Variants in CHID1 observed in about 807,000 individuals in gnomAD.
CHID1 encodes chitinase domain containing 1.
Under a neutral mutation model 55.4 loss-of-function variants are expected in CHID1, and 44 were observed. The observed-to-expected ratio is 0.79, with a 90% CI of 0.62 to 1.02. CHID1 has a LOEUF of 1.02. CHID1 is among the 50% of genes least tolerant of loss of function. CHID1 has a pLI of 0.00. For synonymous variants in CHID1, 216 were observed against 212.9 expected (o/e 1.01, Z -0.13); for missense variants, 491 against 515.3 (o/e 0.95, Z 0.46).
Position 869,791 on chromosome 11 carries a change from TCA to T in CHID1, c.*65_*66del. On this transcript the variant is annotated 3_prime_UTR_variant, in exon 13 of 13. Transcript: ENST00000323578. ...AGCAAACGGAGTGGAGGCCTGTATT[TCA>T]CACCTGCTCACTCACTCCATGGCTT... The T allele has an allele frequency of 1.4e-6, 2 of 1,429,784 alleles. No homozygotes were observed. The highest frequency in any genetic ancestry group is 2.0e-6 in the Non-Finnish European group (2 of 1,014,134). 88.6% of individuals were successfully genotyped at this position (1,429,784 alleles called of 1,614,324 possible).
chr11:876,787 T>TGCTGAGCTGGCATCTGTGCC (rs977060828), intron 10 of CHID1, among the ~76,000 whole-genome samples: 10 of 152,198 alleles, frequency 6.6e-5, no homozygotes, highest in African/African-American at 2.4e-4. Flanking sequence ...GAGGTGGCCC[T>TGCTGAGCTGGCATCTGTGCC]GCTGAGCTGG....
intron 7 of CHID1, among the ~76,000 whole-genome samples, chr11:893,805 T>A (rs1851033278): frequency 6.6e-6 from 1 of 150,420 alleles, no homozygotes; most frequent in Admixed American, 6.6e-5. Context: ...CGTGTGTACA[T>A]CACACTTTAG....
In CHID1 at chr11:903,240, C is replaced by T. The variant is rs543402372; in HGVS notation, c.112-129G>A. The T allele has an allele frequency of 9.2e-5, 83 of 905,660 alleles. 1 individual carries two copies. Among genetic ancestry groups the T allele is most frequent in the South Asian group, 8.0e-4 (48 of 60,268 alleles). 56.1% of individuals were successfully genotyped at this position (905,660 alleles called of 1,614,324 possible). A position where few individuals can be genotyped will look rare whatever the true frequency, so the allele number is the denominator to read the frequency against. Reference sequence around the variant, plus strand: ...CTGGATCCACACAGTGCTGCTGACCCGGAGACCCTGTATGTTGAGGATCGA... The same window carrying T: ...CTGGATCCACACAGTGCTGCTGACCTGGAGACCCTGTATGTTGAGGATCGA... On this transcript the variant is annotated intron_variant, in intron 2 of 12. Coordinates refer to ENST00000323578, the MANE Select transcript of CHID1 (RefSeq NM_023947.4).
intron 10 of CHID1, among the ~76,000 whole-genome samples, chr11:876,205 T>A (rs1849505879): frequency 6.6e-6 from 1 of 152,120 alleles, no homozygotes; most frequent in African/African-American, 2.4e-5. Flanking sequence ...GAGCCCCAGC[T>A]TCTAGAACAG....
chr11:900,885 C>A (rs1217391549), intron 5 of CHID1, 51 bp downstream of exon 5: 2 of 1,524,366 alleles, frequency 1.3e-6, no homozygotes, highest in Non-Finnish European at 9.0e-7. Flanking sequence ...CACCTGTCCA[C>A]CCCCGCAGTT....
At chr11:896,885 GC>G (rs1851356684) in intron 7 of CHID1, among the ~76,000 whole-genome samples, 1 of 85,812 alleles carries the variant, frequency 1.2e-5, no homozygotes, top group Admixed American at 1.3e-4. Context: ...CCAGACACGA[GC>G]CTGTCTCAGC....
chr11:913,395 G>A (rs1852797215), upstream of CHID1, among the ~76,000 whole-genome samples: 1 of 152,132 alleles, frequency 6.6e-6, no homozygotes, highest in Admixed American at 6.5e-5. Flanking sequence ...GTGAAAAGAG[G>A]CTTCATTTAT....
chr11:879,623 G>A (rs1849753200), intron 10 of CHID1, among the ~76,000 whole-genome samples: 1 of 147,696 alleles, frequency 6.8e-6, no homozygotes, highest in African/African-American at 2.5e-5. Context: ...CCAGCCCCCA[G>A]GACTGAGACG....
intron 10 of CHID1, among the ~76,000 whole-genome samples, chr11:880,256 G>A (rs891252861): frequency 2.6e-5 from 4 of 152,238 alleles, no homozygotes; most frequent in African/African-American, 9.6e-5. Flanking sequence ...GAGAGAAGAC[G>A]CCAGGCTCTT....
chr11:884,991 T>C (rs1850283904), intron 8 of CHID1, among the ~76,000 whole-genome samples: 1 of 152,182 alleles, frequency 6.6e-6, no homozygotes, highest in South Asian at 2.1e-4. Context: ...CCCAGATCTA[T>C]AAGCCAAGGG....
In CHID1 at chr11:884,091, G is replaced by C; in HGVS notation, c.780C>G (p.Thr260=). The change falls in exon 9 of 13, where the codon ACC becomes ACG. Residue 260 remains threonine, a synonymous_variant. Transcript: ENST00000323578. ...ACTGATGCGCTGTAGAGTAGTCGTA[G>C]GTCATGAGGCTGAAACCATCCAGCA... ...APVLDGFSLM[T]YDYSTAHQPG... is the part of the protein sequence containing the mutation. 2 of 1,614,034 alleles carry C rather than the reference G, an allele frequency of 1.2e-6. No homozygotes were observed. Among genetic ancestry groups the C allele is most frequent in the Non-Finnish European group, 1.7e-6 (2 of 1,179,884 alleles).
rs1849006311 is a variant in CHID1 at position 869,072 on chromosome 11, C to G, written c.*786G>C. On this transcript the variant is annotated 3_prime_UTR_variant, in exon 13 of 13. Coordinates refer to ENST00000323578, the MANE Select transcript of CHID1 (RefSeq NM_023947.4). ...CCAGAGCCTGGACACCGCTGCATGG[C>G]AGGGTGGGTGTAGCCTGCCAGCCAC... 1 of 152,340 alleles carries G rather than the reference C, an allele frequency of 6.6e-6. No homozygotes were observed. Among genetic ancestry groups the G allele is most frequent in the Non-Finnish European group, 1.5e-5 (1 of 68,122 alleles). 9.4% of individuals were successfully genotyped at this position (152,340 alleles called of 1,614,324 possible).
At chr11:888,316 C>G (rs557864678) in intron 8 of CHID1, among the ~76,000 whole-genome samples, 43 of 152,332 alleles carry the variant, frequency 2.8e-4, no homozygotes, top group African/African-American at 9.6e-4. Context: ...CCTGTGCCCC[C>G]GGTCCTGCCA....
chr11:896,708 C>G (rs1415958614), intron 7 of CHID1, among the ~76,000 whole-genome samples: 12 of 133,410 alleles, frequency 9.0e-5, no homozygotes, highest in African/African-American at 3.2e-4. Context: ...CTCAGCACCC[C>G]CAGCCTCCAC....
chr11:869,487 G>GA lies in CHID1; in HGVS notation c.*370dup, dbSNP rs1849025774. ...AGGGCCCTCGAATCCAGGAGTGGGC[G>GA]AGTCCGGGATGGTTCCAGAGCTTCC... On this transcript the variant is annotated 3_prime_UTR_variant, in exon 13 of 13. Transcript: ENST00000323578. 1 of 292,192 alleles carries GA rather than the reference G, an allele frequency of 3.4e-6. No homozygotes were observed. Among genetic ancestry groups the GA allele is most frequent in the Admixed American group, 4.7e-5 (1 of 21,094 alleles). The allele number at this position is 292,192 out of a possible 1,614,324, so 18.1% of individuals were successfully genotyped here.
Position 875,872 on chromosome 11 carries a change from G to C in CHID1, c.960-5373C>G, listed in dbSNP as rs749831762. Among the ~76,000 whole-genome samples the C allele has an allele frequency of 6.6e-6, 1 of 152,092 alleles. No individual in the cohort carries two copies. ...CGGGTGACAGACAGGATGAAGGAACGATGGGCTCCACTCTGCAGAGGACAC... is the reference window on the plus strand; with the variant it reads ...CGGGTGACAGACAGGATGAAGGAACCATGGGCTCCACTCTGCAGAGGACAC... On this transcript the variant is annotated intron_variant, in intron 10 of 12. Transcript: ENST00000323578. The surrounding 1 kb of genome is among the most constrained non-coding windows in gnomAD (Gnocchi z 4.7).
chr11:883,420 G>A, intron 9 of CHID1, 117 bp from the exon 10 acceptor site: 1 of 1,085,900 alleles, frequency 9.2e-7, no homozygotes, highest in South Asian at 1.5e-5. Context: ...CACCTCTAGA[G>A]AGTTGTAAAG....
chr11:914,607 G>C, upstream of CHID1: 1 of 1,277,714 alleles, frequency 7.8e-7, no homozygotes. Flanking sequence ...GGTGGCTCAC[G>C]CCGTAATCCC....
intron 6 of CHID1, 101 bp downstream of exon 6, chr11:899,903 G>T: frequency 2.6e-6 from 2 of 777,130 alleles, no homozygotes; most frequent in Non-Finnish European, 4.4e-6. Flanking sequence ...CAGGGCAGAA[G>T]ACAGAAAAGC....
Sources: allele counts gnomAD v4.1 joint callset (sites outside exome capture counted in the v4.1 genomes callset), GRCh38; gene constraint gnomAD v4.1.1; non-coding constraint Gnocchi (gnomAD v3.1); transcripts MANE v1.5; gene names NCBI Gene and HGNC (gene_info 2026-07-23, HGNC 2026-07-21).